Variants in CHAT observed in about 807,000 individuals in gnomAD.
CHAT encodes the protein acetyl CoA:choline O-acetyltransferase.
In CHAT, 61 loss-of-function variants were observed where a neutral mutation model predicts 76.9. The observed-to-expected ratio is 0.79, with a 90% CI of 0.65 to 0.98. The LOEUF (loss-of-function observed/expected upper bound fraction) is 0.98. Among genes scored for constraint, CHAT ranks in the 50% least tolerant of loss-of-function variants. The probability of loss-of-function intolerance (pLI) is 0.00; values close to 1 mark genes in which losing one functional copy is unlikely to be tolerated. For synonymous variants in CHAT, 407 were observed against 397.4 expected (o/e 1.02, Z -0.29); for missense variants, 946 against 986.9 (o/e 0.96, Z 0.56).
intron 4 of CHAT, among the ~76,000 whole-genome samples, chr10:49,621,317 C>T (rs1037713588): frequency 5.9e-5 from 9 of 152,154 alleles, no homozygotes; most frequent in African/African-American, 1.9e-4. Context: ...ACCTCCCCAC[C>T]CCACCCTACC....
upstream of CHAT, among the ~76,000 whole-genome samples, chr10:49,609,497 G>A (rs1050286163): frequency 1.7e-4 from 26 of 152,132 alleles, no homozygotes; most frequent in African/African-American, 5.5e-4. Context: ...GGAGCTGGGG[G>A]ACCAGACCGC....
chr10:49,658,779 A>T (rs1840107027), intron 13 of CHAT, among the ~76,000 whole-genome samples: 1 of 152,248 alleles, frequency 6.6e-6, no homozygotes, highest in Non-Finnish European at 1.5e-5. Context: ...TTTAAAAGTG[A>T]TCATTGAGAT....
intron 4 of CHAT, 59 bp from the exon 5 acceptor site, chr10:49,622,038 G>GCGA: frequency 1.9e-6 from 3 of 1,570,782 alleles, no homozygotes; most frequent in Non-Finnish European, 2.6e-6. Context: ...AGAAGGGAGG[G>GCGA]AGGGAGGGAG....
chr10:49,637,936 T>C (rs756466012), intron 7 of CHAT, among the ~76,000 whole-genome samples: 9 of 152,222 alleles, frequency 5.9e-5, no homozygotes, highest in Non-Finnish European at 1.0e-4. Flanking sequence ...TTGGCATATG[T>C]TCGATGGGTA....
At chr10:49,633,078 C>T (rs902826499) in intron 7 of CHAT, among the ~76,000 whole-genome samples, 8 of 152,320 alleles carry the variant, frequency 5.3e-5, no homozygotes, top group East Asian at 1.9e-4. Context: ...TGGGAGGCCA[C>T]GTCCACAGAG....
intron 5 of CHAT, among the ~76,000 whole-genome samples, chr10:49,623,385 A>G (rs951077312): frequency 4.6e-5 from 7 of 152,196 alleles, no homozygotes; most frequent in African/African-American, 1.7e-4. Flanking sequence ...CAATGATTGA[A>G]AAGGACTTAA....
At chr10:49,622,990 G>A (rs996147879) in intron 5 of CHAT, among the ~76,000 whole-genome samples, 1 of 152,156 alleles carries the variant, frequency 6.6e-6, no homozygotes, top group African/African-American at 2.4e-5. Context: ...CTCTGGAGAG[G>A]GGCAGGCAGA....
intron 7 of CHAT, among the ~76,000 whole-genome samples, chr10:49,640,872 ACCC>A (rs1839456554): frequency 2.0e-5 from 3 of 152,226 alleles, no homozygotes; most frequent in Non-Finnish European, 4.4e-5. Flanking sequence ...TTTTAACTAT[ACCC>A]ACTTGTGTTT....
rs996471579 is a variant in CHAT at position 49,667,364 on chromosome 10, C to T, written c.*2318C>T. Among the ~76,000 whole-genome samples the T allele has an allele frequency of 2.0e-5, 3 of 152,206 alleles. No homozygotes were observed. Among genetic ancestry groups the T allele is most frequent in the Non-Finnish European group, 4.4e-5 (3 of 68,042 alleles). On this transcript the variant is annotated 3_prime_UTR_variant, in exon 15 of 15. Transcript: ENST00000337653. Reference sequence around the variant, plus strand: ...TTTTAAACTATTTACACTGATATGACAGACTCAAACTCATATTTGCTATTC... The same window carrying T: ...TTTTAAACTATTTACACTGATATGATAGACTCAAACTCATATTTGCTATTC...
At position 49,627,715 on chromosome 10, in the gene CHAT, G is replaced by T; in HGVS notation, c.1041G>T (p.Leu347Phe). The T allele has an allele frequency of 6.2e-7, 1 of 1,614,150 alleles. No individual in the cohort carries two copies. The highest frequency in any genetic ancestry group is 1.1e-5 in the South Asian group (1 of 91,082). The change falls in exon 7 of 15, where the codon TTG becomes TTT. Residue 347 changes from leucine (L) to phenylalanine (F), a missense_variant. Around this residue, in one of 3 missense-constraint regions of CHAT, gnomAD observed 548 missense variants for 516.2 expected, o/e 1.06. Transcript: ENST00000337653. ...VKMASNEDERLPPIGLLTSDG... is the reference protein window; with the variant it reads ...VKMASNEDERFPPIGLLTSDG... ...TGGCTTCCAACGAGGACGAGCGTTT[G>T]CCTCCAATTGGCCTGCTGACGTCTG...
intron 1 of CHAT, among the ~76,000 whole-genome samples, chr10:49,614,983 T>G (rs1400233552): frequency 7.7e-6 from 1 of 130,650 alleles, no homozygotes; most frequent in East Asian, 2.3e-4. Flanking sequence ...GGCAGGAGCA[T>G]GGGTGGGAGG....
At chr10:49,656,052 C>G (rs1840023883) in intron 13 of CHAT, among the ~76,000 whole-genome samples, 1 of 152,200 alleles carries the variant, frequency 6.6e-6, no homozygotes, top group African/African-American at 2.4e-5. Context: ...TCATCAATAC[C>G]TGCATTGCAA....
intron 5 of CHAT, 125 bp from the exon 6 acceptor site, chr10:49,625,348 A>G: frequency 1.2e-6 from 1 of 834,008 alleles, no homozygotes; most frequent in Admixed American, 2.0e-5. Flanking sequence ...ATCTGCCATG[A>G]TGATGCAGTT....
upstream of CHAT, chr10:49,609,122 C>G (rs1838226523): frequency 6.6e-6 from 1 of 152,282 alleles, no homozygotes. Flanking sequence ...ACGCGTCAGG[C>G]CCAGCGCACA....
At chr10:49,623,488 A>T (rs1838802877) in intron 5 of CHAT, among the ~76,000 whole-genome samples, 2 of 152,214 alleles carry the variant, frequency 1.3e-5, no homozygotes, top group South Asian at 4.1e-4. Context: ...TATGCTGGGA[A>T]GAGGAAGAGA....
chr10:49,611,211 C>T, upstream of CHAT: 13 of 1,614,070 alleles, frequency 8.1e-6, no homozygotes, highest in South Asian at 4.4e-5. Flanking sequence ...CGCTGCTGAT[C>T]GGCCTGGGCG....
At position 49,646,614 on chromosome 10, in the gene CHAT, C is replaced by T; in HGVS notation, c.1221C>T (p.Leu407=). 2 of 1,614,202 alleles carry T rather than the reference C, an allele frequency of 1.2e-6. No homozygotes were observed. Among genetic ancestry groups the T allele is most frequent in the Non-Finnish European group, 8.5e-7 (1 of 1,180,046 alleles). The change falls in exon 8 of 15, where the codon CTC becomes CTT. Residue 407 remains leucine, a synonymous_variant. Transcript: ENST00000337653. ...GCGACACCCACAGGGCACTCCAGCT[C>T]CTTCACGGCGGAGGCTACAGCAAGA... ...ELSDTHRALQ[L]LHGGGYSKNG...
rs1242037806 is a variant in CHAT at position 49,666,893 on chromosome 10, C to A, written c.*1847C>A. Among the ~76,000 whole-genome samples, 1 of 152,234 alleles carries A rather than the reference C, an allele frequency of 6.6e-6. No individual in the cohort carries two copies. The highest frequency in any genetic ancestry group is 2.4e-5 in the African/African-American group (1 of 41,452). On this transcript the variant is annotated 3_prime_UTR_variant, in exon 15 of 15. Coordinates refer to ENST00000337653, the MANE Select transcript of CHAT (RefSeq NM_020549.5). ...TGTAAGTTGGCCCAAAGCTACTTGTCTGTTCTCTCCAAGTGACCACAGTGC... is the reference window on the plus strand; with the variant it reads ...TGTAAGTTGGCCCAAAGCTACTTGTATGTTCTCTCCAAGTGACCACAGTGC...
At chr10:49,609,965 C>T (rs885835), upstream of CHAT, among the ~76,000 whole-genome samples, 16,046 of 152,052 alleles carry the variant, frequency 0.11, 1,052 homozygotes, top group South Asian at 0.19. Flanking sequence ...GCTGCCGCGC[C>T]CCCTTCCCCA....
Sources: gnomAD v4.1 joint callset for allele counts (sites outside exome capture counted in the v4.1 genomes callset) on GRCh38, gnomAD v4.1.1 for gene constraint, gnomAD v4.1.1 regional missense constraint, MANE v1.5 for transcripts, NCBI Gene and HGNC (gene_info 2026-07-23, HGNC 2026-07-21) for gene names.